Variants in MACF1 observed in about 807,000 individuals in gnomAD.
The protein encoded by MACF1 is microtubule actin crosslinking factor 1, also known as microtubule-actin cross-linking factor 1.
A neutral mutation model predicts 854.8 loss-of-function variants in MACF1; 193 were observed. The observed-to-expected ratio is 0.23, with a 90% CI of 0.20 to 0.25. The LOEUF is 0.25. MACF1 is among the 10% of genes least tolerant of loss of function. The pLI, the probability that MACF1 is intolerant of heterozygous loss-of-function variation, is 1.00. For missense variants in MACF1, 7,722 were observed against 8,929.1 expected, an observed-to-expected ratio of 0.86 and a Z score of 5.45; for synonymous variants, 3,185 against 3,226.7, an observed-to-expected ratio of 0.99 and a Z score of 0.44.
chr1:39,117,194 A>G (rs1194145369), intron 2 of MACF1, among the ~76,000 whole-genome samples: 1 of 152,198 alleles, frequency 6.6e-6, no homozygotes, highest in African/African-American at 2.4e-5. Flanking sequence ...CTTTATATCT[A>G]AAAAGAGTAT....
chr1:39,459,128 T>A lies in MACF1; in HGVS notation c.21239T>A (p.Leu7080His). The A allele has an allele frequency of 1.2e-6, 2 of 1,614,162 alleles. No homozygotes were observed. The highest frequency in any genetic ancestry group is 1.7e-6 in the Non-Finnish European group (2 of 1,180,006). Reference protein sequence around the residue: ...SQPTPPPMPILSQSEAKNPRI... With the variant: ...SQPTPPPMPIHSQSEAKNPRI... ...CCAACCCCTCCTCCCATGCCAATCC[T>A]TTCACAGTCTGAAGCAAAAAACCCA... The change falls in exon 91 of 101, where the codon CTT becomes CAT. Residue 7080 changes from leucine (L) to histidine (H), a missense_variant. Transcript: ENST00000564288.
At chr1:39,316,271 A>G (rs1646410723) in intron 27 of MACF1, 120 bp from the exon 28 acceptor site, 1 of 761,404 alleles carries the variant, frequency 1.3e-6, no homozygotes, top group South Asian at 3.4e-5. Flanking sequence ...TCAACATCTA[A>G]AAATGGTGAC....
rs184267383 is a variant in MACF1, at chr1:39,378,188, G to A, written c.13214-273G>A. ...AGTACTTGCTTCACAAAATTAGGGC[G>A]GCATCCAGAGAATTCAAGTTGGAGA... On this transcript the variant is annotated intron_variant, in intron 52 of 100. Transcript: ENST00000564288. Among the ~76,000 whole-genome samples, 63 of 152,194 alleles carry A rather than the reference G, an allele frequency of 4.1e-4. 1 individual carries two copies. The highest frequency in any genetic ancestry group is 2.0e-3 in the Admixed American group (31 of 15,274).
intron 2 of MACF1, among the ~76,000 whole-genome samples, chr1:39,106,280 C>G (rs1642235232): frequency 6.6e-6 from 1 of 152,108 alleles, no homozygotes; most frequent in African/African-American, 2.4e-5. Context: ...CCCCCTCCAT[C>G]TCCCCGGGGG....
At chr1:39,364,579 G>T (rs1044530909) in intron 49 of MACF1, among the ~76,000 whole-genome samples, 5 of 151,240 alleles carry the variant, frequency 3.3e-5, no homozygotes, top group African/African-American at 1.2e-4. Flanking sequence ...TGCAAGCTCT[G>T]CCTCCCGGGT....
chr1:39,175,389 A>G (rs1002091563), intron 2 of MACF1, among the ~76,000 whole-genome samples: 2 of 152,210 alleles, frequency 1.3e-5, no homozygotes, highest in African/African-American at 2.4e-5. Context: ...AATCATGTAC[A>G]GCATTCAGAA....
chr1:39,207,024 A>G (rs1644458075), intron 1 of MACF1: 1 of 151,780 alleles, frequency 6.6e-6, no homozygotes, highest in African/African-American at 2.4e-5. Context: ...TTGCAGAACA[A>G]ACTATAGCAC....
intron 31 of MACF1, among the ~76,000 whole-genome samples, chr1:39,320,180 A>G (rs1197458312): frequency 6.6e-6 from 1 of 152,142 alleles, no homozygotes; most frequent in African/African-American, 2.4e-5. Flanking sequence ...AACATGTCCC[A>G]CATCTGACTG....
chr1:39,094,765 G>A (rs1050113635), intron 2 of MACF1, among the ~76,000 whole-genome samples: 1 of 152,012 alleles, frequency 6.6e-6, no homozygotes, highest in Non-Finnish European at 1.5e-5. Context: ...GGTGGTATGC[G>A]CCTGTAATAC....
At chr1:39,122,493 T>C (rs975935428) in intron 2 of MACF1, among the ~76,000 whole-genome samples, 21 of 152,174 alleles carry the variant, frequency 1.4e-4, no homozygotes, top group African/African-American at 4.8e-4. Context: ...GACCTCATGA[T>C]CCACCTGCCT....
intron 40 of MACF1, among the ~76,000 whole-genome samples, chr1:39,343,945 G>A (rs375667727): frequency 2.6e-5 from 4 of 151,690 alleles, no homozygotes; most frequent in African/African-American, 7.3e-5. Flanking sequence ...AAGAAACCCC[G>A]TCTCTACTAA....
chr1:39,197,605 G>A (rs1371388955), intron 2 of MACF1, among the ~76,000 whole-genome samples: 3 of 152,218 alleles, frequency 2.0e-5, no homozygotes, highest in East Asian at 1.9e-4. Context: ...GTGAAAAGAC[G>A]GTTGTGGTGG....
At chr1:39,381,356 CTTTTTTTTTTTTT>C (rs869060742) in intron 55 of MACF1, among the ~76,000 whole-genome samples, 3 of 36,798 alleles carry the variant, frequency 8.2e-5, no homozygotes, top group African/African-American at 2.8e-4. Flanking sequence ...CATGCCTGGC[CTTTTTTTTTTTTT>C]TTTTTTTTTG....
chr1:39,147,035 T>C (rs1408389811), intron 2 of MACF1, among the ~76,000 whole-genome samples: 1 of 151,630 alleles, frequency 6.6e-6, no homozygotes, highest in African/African-American at 2.4e-5. Context: ...CTTCCTTCCT[T>C]CTTCTTCTCC....
chr1:39,198,988 A>G (rs994041429), intron 2 of MACF1, among the ~76,000 whole-genome samples: 1 of 151,918 alleles, frequency 6.6e-6, no homozygotes, highest in Admixed American at 6.6e-5. Context: ...ATTTTGACAG[A>G]ATTTTTTTCT....
intron 80 of MACF1, 64 bp downstream of exon 80, chr1:39,444,899 T>C: frequency 7.0e-7 from 1 of 1,426,518 alleles, no homozygotes. Flanking sequence ...ATAATTGCCA[T>C]CTTATTTATA....
chr1:39,430,637 C>T (rs910122598), intron 65 of MACF1, 65 bp from the exon 66 acceptor site: 3 of 1,284,498 alleles, frequency 2.3e-6, no homozygotes, highest in Non-Finnish European at 3.4e-6. Context: ...CAATTTCCAC[C>T]CAGCACAGTT....
At chr1:39,478,652 T>C (rs1644956613) in intron 97 of MACF1, among the ~76,000 whole-genome samples, 1 of 152,234 alleles carries the variant, frequency 6.6e-6, no homozygotes, top group East Asian at 1.9e-4. Flanking sequence ...CAACCTGATT[T>C]AAAACACTGA....
chr1:39,348,951 T>A (rs1196098948), intron 41 of MACF1, among the ~76,000 whole-genome samples: 1 of 152,226 alleles, frequency 6.6e-6, no homozygotes, highest in Admixed American at 6.5e-5. Flanking sequence ...ATCATTTTAT[T>A]TAATGAGTCT....
Sources: allele counts gnomAD v4.1 joint callset (sites outside exome capture counted in the v4.1 genomes callset), GRCh38; gene constraint gnomAD v4.1.1; transcripts MANE v1.5; gene names NCBI Gene and HGNC (gene_info 2026-07-23, HGNC 2026-07-21).